The following ZNF121 variants were observed in gnomAD, a reference collection of about 807,000 sequenced individuals.
ZNF121 encodes the protein zinc finger protein 121 (clone ZHC32).
In ZNF121, 1 loss-of-function variant was observed where a neutral mutation model predicts 2.4. That is an observed-to-expected ratio of 0.41 (90% CI 0.15 to 1.94). ZNF121 has a LOEUF of 1.94. Among genes scored for constraint, ZNF121 ranks in the 30% most tolerant of loss-of-function variants. The pLI is 0.30. For missense variants in ZNF121, 369 were observed against 466.3 expected, an observed-to-expected ratio of 0.79 and a Z score of 1.92; for synonymous variants, 173 against 158.6, an observed-to-expected ratio of 1.09 and a Z score of -0.68.
intron 1 of ZNF121, among the ~76,000 whole-genome samples, chr19:9,577,453 A>G (rs1048563952): frequency 2.6e-5 from 4 of 152,094 alleles, no homozygotes; most frequent in African/African-American, 9.7e-5. Context: ...CCGTCTCAAA[A>G]AAGAAAAATA....
rs1568496937 is a variant in ZNF121, at chr19:9,565,449, C to CACCTGAGG, written c.*483_*490dup. ...CTTTGGGAGGCCAAGGCGGGTGGAT[C>CACCTGAGG]ACCTGAGGTCAGGAGCTCGAGACCA... On this transcript the variant is annotated 3_prime_UTR_variant, in exon 4 of 4. Transcript: ENST00000320451. 1 of 141,294 alleles carries CACCTGAGG rather than the reference C, an allele frequency of 7.1e-6. No homozygotes were observed. The highest frequency in any genetic ancestry group is 2.2e-4 in the East Asian group (1 of 4,494). 8.8% of individuals were successfully genotyped at this position (141,294 alleles called of 1,614,324 possible).
At chr19:9,584,106 G>A (rs1262825071) in intron 1 of ZNF121, 1 of 152,232 alleles carries the variant, frequency 6.6e-6, no homozygotes, top group East Asian at 1.9e-4. Context: ...CCAGGTTCCT[G>A]AGGCGCGGAA....
Position 9,562,459 on chromosome 19 carries a change from C to A in ZNF121, c.*3481G>T. ...GATTACAGGTGTGAGCCACCGTGCC[C>A]GGCTGCTCTGTGATCTTTGATGTTC... On this transcript the variant is annotated 3_prime_UTR_variant, in exon 4 of 4. Coordinates refer to ENST00000320451, the MANE Select transcript of ZNF121 (RefSeq NM_001008727.5). 3.8e-6 allele frequency: 1 copy of A among 261,274 alleles called. No homozygotes were observed. The highest frequency in any genetic ancestry group is 8.6e-6 in the Non-Finnish European group (1 of 116,904). The allele number at this position is 261,274 out of a possible 1,614,324, so 16.2% of individuals were successfully genotyped here. A position where few individuals can be genotyped will look rare whatever the true frequency, so the allele number is the denominator to read the frequency against.
chr19:9,577,950 T>G (rs2144821025), intron 1 of ZNF121, among the ~76,000 whole-genome samples: 1 of 150,446 alleles, frequency 6.6e-6, no homozygotes, highest in South Asian at 2.1e-4. Flanking sequence ...CCCAGCACTC[T>G]GGGAGGCCAA....
Position 9,565,351 on chromosome 19 carries a change from TACAAAAAAAAAAAAAAAAAAAAAAA to T in ZNF121, c.*564_*588del, listed in dbSNP as rs2074122611. On this transcript the variant is annotated 3_prime_UTR_variant, in exon 4 of 4. Transcript: ENST00000320451. ...AAAAGAATGTGTATTAACAACGACT[TACAAAAAAAAAAAAAAAAAAAAAAA>T]AAAAAAAAAAAGGCCAGGAGCAGTG... is the stretch of plus-strand genomic sequence containing the variant. The T allele has an allele frequency of 2.7e-5, 1 of 37,378 alleles. No individual in the cohort carries two copies. The highest frequency in any genetic ancestry group is 7.7e-4 in the South Asian group (1 of 1,298). The allele number at this position is 37,378 out of a possible 1,614,324, so 2.3% of individuals were successfully genotyped here.
chr19:9,576,335 A>C (rs1319287491), intron 1 of ZNF121, among the ~76,000 whole-genome samples: 1 of 152,006 alleles, frequency 6.6e-6, no homozygotes, highest in Non-Finnish European at 1.5e-5. Context: ...CCCTTCAAAA[A>C]AAAAAAAAAT....
In ZNF121 at chr19:9,570,592, G is replaced by A. The variant is rs183233200; in HGVS notation, c.-159-1510C>T. Among the ~76,000 whole-genome samples the A allele has an allele frequency of 4.6e-5, 7 of 152,178 alleles. No individual in the cohort carries two copies. The East Asian group carries it at 1.4e-3, about 30-fold the overall frequency. The stretch of plus-strand genomic sequence containing the variant: ...TTTGTTTGTTTGTTTTTGAGACGGA[G>A]TTTTGCTCTTGTTGCCCAGGATGGA... On this transcript the variant is annotated intron_variant, in intron 1 of 3. Transcript: ENST00000320451.
At chr19:9,572,461 A>T (rs2074180745) in intron 1 of ZNF121, among the ~76,000 whole-genome samples, 1 of 152,190 alleles carries the variant, frequency 6.6e-6, no homozygotes. Flanking sequence ...AACATCCCTG[A>T]GGACATCCAG....
At chr19:9,571,030 C>T (rs2074170404) in intron 1 of ZNF121, among the ~76,000 whole-genome samples, 2 of 152,192 alleles carry the variant, frequency 1.3e-5, no homozygotes, top group African/African-American at 2.4e-5. Flanking sequence ...CTACAGAGAT[C>T]TGTGGTGGTG....
intron 1 of ZNF121, among the ~76,000 whole-genome samples, chr19:9,569,838 CTTTTTTTTT>C (rs752091749): frequency 1.7e-5 from 2 of 117,694 alleles, no homozygotes; most frequent in African/African-American, 6.1e-5. Flanking sequence ...TGGCCGAGAT[CTTTTTTTTT>C]TTTTTTTTTT....
rs1167334851 is a variant in ZNF121 at position 9,562,907 on chromosome 19, A to T, written c.*3033T>A. On this transcript the variant is annotated 3_prime_UTR_variant, in exon 4 of 4. Coordinates refer to ENST00000320451, the MANE Select transcript of ZNF121 (RefSeq NM_001008727.5). ...TCTTTAAAAAAAAAAAAAAAAAAAA[A>T]AAAAAATTAGCTGGCCATGGTGGTG... The T allele has an allele frequency of 6.6e-6, 1 of 150,556 alleles. No individual in the cohort carries two copies. Among genetic ancestry groups the T allele is most frequent in the Admixed American group, 6.6e-5 (1 of 15,040 alleles). 9.3% of individuals were successfully genotyped at this position (150,556 alleles called of 1,614,324 possible). A position where few individuals can be genotyped will look rare whatever the true frequency, so the allele number is the denominator to read the frequency against.
At chr19:9,569,282 A>T (rs1031288795) in intron 1 of ZNF121, among the ~76,000 whole-genome samples, 200 bp from the exon 2 acceptor site, 1 of 152,060 alleles carries the variant, frequency 6.6e-6, no homozygotes, top group Non-Finnish European at 1.5e-5. Context: ...TTAAATACAC[A>T]TTTAAAAACC....
chr19:9,568,064 G>T, intron 3 of ZNF121, 31 bp downstream of exon 3: 4 of 1,528,662 alleles, frequency 2.6e-6, no homozygotes, highest in South Asian at 2.5e-5. Flanking sequence ...ATCTTTTTTT[G>T]AGTGTGGTAA....
At chr19:9,568,329 G>T (rs1336430865) in intron 2 of ZNF121, among the ~76,000 whole-genome samples, 154 bp from the exon 3 acceptor site, 1 of 151,468 alleles carries the variant, frequency 6.6e-6, no homozygotes, top group African/African-American at 2.4e-5. Context: ...TATCCATGAC[G>T]AACATTTGGC....
chr19:9,568,407 A>T (rs1451117057), intron 2 of ZNF121, among the ~76,000 whole-genome samples: 1 of 151,252 alleles, frequency 6.6e-6, no homozygotes, highest in African/African-American at 2.4e-5. Context: ...TCGCTCTGTC[A>T]CCCAGACTGG....
intron 1 of ZNF121, among the ~76,000 whole-genome samples, chr19:9,575,947 A>C (rs2074207435): frequency 1.3e-5 from 2 of 152,194 alleles, no homozygotes. Context: ...TAATGGACAG[A>C]TCATCCAGCT....
At chr19:9,567,397 G>A (rs555465980) in intron 3 of ZNF121, among the ~76,000 whole-genome samples, 81 of 152,176 alleles carry the variant, frequency 5.3e-4, no homozygotes, top group African/African-American at 1.8e-3. Context: ...GAATGCTGAA[G>A]CACCAAGTTT....
intron 1 of ZNF121, among the ~76,000 whole-genome samples, chr19:9,574,132 A>G (rs2074193637): frequency 6.7e-6 from 1 of 150,332 alleles, no homozygotes; most frequent in African/African-American, 2.4e-5. Flanking sequence ...TTTCTTTAGC[A>G]AGGCCATTTT....
Position 9,566,073 on chromosome 19 carries a change from T to C in ZNF121, c.1040A>G (p.Lys347Arg), listed in dbSNP as rs1165844452. ...EKPYICKECG[K>R]TFRASSHLQK... is the part of the protein sequence containing the mutation. ...TAGATGTGAAGAAGCACGGAAGGTTTTCCCACATTCCTTACATATATACGG... is the reference window on the plus strand; with the variant it reads ...TAGATGTGAAGAAGCACGGAAGGTTCTCCCACATTCCTTACATATATACGG... The change falls in exon 4 of 4, where the codon AAA (lysine) becomes AGA (arginine). Residue 347 changes from lysine (K) to arginine (R), a missense_variant. Lys to Arg is a conservative substitution (Grantham distance 26). Coordinates refer to ENST00000320451, the MANE Select transcript of ZNF121 (RefSeq NM_001008727.5). 4.3e-6 allele frequency: 7 copies of C among 1,613,932 alleles called. No individual in the cohort carries two copies. The highest frequency in any genetic ancestry group is 5.9e-6 in the Non-Finnish European group (7 of 1,179,964).
Sources: gnomAD v4.1 joint callset for allele counts (sites outside exome capture counted in the v4.1 genomes callset) on GRCh38, gnomAD v4.1.1 for gene constraint, MANE v1.5 for transcripts, NCBI Gene and HGNC (gene_info 2026-07-23, HGNC 2026-07-21) for gene names.